TRIM71: variants seen among roughly 807,000 people sequenced by gnomAD.
TRIM71 encodes the protein E3 ubiquitin-protein ligase TRIM71.
TRIM71 carries 9 observed loss-of-function variants against 61.2 expected under a neutral mutation model. The ratio of observed to expected loss-of-function variants is 0.15; its 90% confidence interval spans 0.09 to 0.26. The LOEUF (loss-of-function observed/expected upper bound fraction) is 0.26. TRIM71 is among the 10% of genes least tolerant of loss of function. TRIM71 has a pLI of 1.00. For synonymous variants in TRIM71, 645 were observed against 553.2 expected (o/e 1.17, Z -2.33); for missense variants, 998 against 1,238.7 (o/e 0.81, Z 2.92).
At chr3:32,845,895 A>G (rs1475298938) in intron 1 of TRIM71, among the ~76,000 whole-genome samples, 2 of 147,498 alleles carry the variant, frequency 1.4e-5, no homozygotes, top group Non-Finnish European at 3.0e-5. Flanking sequence ...TAATTTTTGT[A>G]TTTTTAGTAG....
intron 1 of TRIM71, among the ~76,000 whole-genome samples, chr3:32,857,726 T>G (rs1049308998): frequency 6.6e-6 from 1 of 152,176 alleles, no homozygotes; most frequent in South Asian, 2.1e-4. Context: ...ATCCCAGCAC[T>G]TCAGGAGGCC....
At chr3:32,826,931 T>G (rs1696209888) in intron 1 of TRIM71, among the ~76,000 whole-genome samples, 1 of 151,480 alleles carries the variant, frequency 6.6e-6, no homozygotes, top group South Asian at 2.1e-4. Context: ...CCCGGCTAAT[T>G]GTTTTTGTAT....
At position 32,889,513 on chromosome 3, in the gene TRIM71, C is replaced by G. The variant is rs114861395; in HGVS notation, c.1156-847C>G. On this transcript the variant is annotated intron_variant, in intron 3 of 3. Coordinates refer to ENST00000383763, the MANE Select transcript of TRIM71 (RefSeq NM_001039111.3). ...CAGAAAAGTTGCAGTAATAGTAACT[C>G]CATATATTCCTTCTCCAGATTTACT... is the stretch of plus-strand genomic sequence containing the variant. Among the ~76,000 whole-genome samples the G allele has an allele frequency of 8.3e-3, 1,237 of 149,692 alleles. 4 individuals are homozygous for G. The highest frequency in any genetic ancestry group is 0.014 in the Non-Finnish European group (954 of 67,522).
At position 32,824,611 on chromosome 3, in the gene TRIM71, G is replaced by C. The variant is rs553726615; in HGVS notation, c.852+5679G>C. On this transcript the variant is annotated intron_variant, in intron 1 of 3. Coordinates refer to ENST00000383763, the MANE Select transcript of TRIM71 (RefSeq NM_001039111.3). ...AGATCCTCCTGCCTGTGTCTCTCAA[G>C]TAGCTGGGACTACAGGCTCTAGCCA... Among the ~76,000 whole-genome samples the C allele has an allele frequency of 5.3e-5, 8 of 152,284 alleles. No homozygotes were observed. The East Asian group carries it at 1.4e-3, about 26-fold the overall frequency.
Position 32,890,906 on chromosome 3 carries a change from A to G in TRIM71, c.1702A>G (p.Asn568Asp). ...GEHLVSVTLCNQHIENSPFKV... is the reference protein window; with the variant it reads ...GEHLVSVTLCDQHIENSPFKV... ...GCACCTGGTATCTGTGACACTGTGC[A>G]ACCAGCACATTGAGAACAGCCCTTT... The change falls in exon 4 of 4, where the codon AAC becomes GAC. Residue 568 changes from asparagine to aspartate, a missense_variant. Coordinates refer to ENST00000383763, the MANE Select transcript of TRIM71 (RefSeq NM_001039111.3). This position sits in a 1 kb window ranked among gnomAD's most constrained non-coding sequence, Gnocchi z 6.2. 1 of 1,614,224 alleles carries G rather than the reference A, an allele frequency of 6.2e-7. No individual in the cohort carries two copies. Among genetic ancestry groups the G allele is most frequent in the East Asian group, 2.2e-5 (1 of 44,880 alleles).
chr3:32,857,401 A>C (rs1696617254), intron 1 of TRIM71, among the ~76,000 whole-genome samples: 1 of 152,186 alleles, frequency 6.6e-6, no homozygotes, highest in South Asian at 2.1e-4. Context: ...CATTCTGTGC[A>C]AAATTTCTAG....
intron 1 of TRIM71, among the ~76,000 whole-genome samples, chr3:32,857,019 G>A (rs946713702): frequency 1.5e-4 from 23 of 152,210 alleles, no homozygotes; most frequent in South Asian, 4.2e-4. Context: ...ATTTGAACCC[G>A]GGTTTTCTGA....
Position 32,891,691 on chromosome 3 carries a change from C to T in TRIM71, c.2487C>T (p.Cys829=). 1 of 1,614,066 alleles carries T rather than the reference C, an allele frequency of 6.2e-7. No individual in the cohort carries two copies. The highest frequency in any genetic ancestry group is 1.1e-5 in the South Asian group (1 of 91,062). The part of the protein sequence containing the change: ...QMFESNGSFL[C]KFGAQGSGFG... ...TTGAATCCAACGGCAGCTTCCTGTG[C>T]AAGTTTGGTGCTCAAGGCAGCGGCT... The change falls in exon 4 of 4, where the codon TGC becomes TGT. Residue 829 remains cysteine (C), a synonymous_variant. Transcript: ENST00000383763. This position sits in a 1 kb window ranked among gnomAD's most constrained non-coding sequence, Gnocchi z 8.2.
chr3:32,843,049 T>C (rs1329387036), intron 1 of TRIM71, among the ~76,000 whole-genome samples: 1 of 152,060 alleles, frequency 6.6e-6, no homozygotes, highest in Non-Finnish European at 1.5e-5. Flanking sequence ...ATTATCGGGG[T>C]GTTGGCCACA....
At position 32,847,197 on chromosome 3, in the gene TRIM71, T is replaced by G. The variant is rs948960416; in HGVS notation, c.853-26621T>G. Among the ~76,000 whole-genome samples the G allele has an allele frequency of 6.7e-4, 101 of 149,734 alleles. 4 individuals carry two copies. The South Asian group carries it at 0.021, about 31-fold the overall frequency. ...TCGCCGCCAGGTCCAGCAATTTTTT[T>G]TTTTTTTTTTTTTTTTGAGACTGAG... On this transcript the variant is annotated intron_variant, in intron 1 of 3. Transcript: ENST00000383763.
At chr3:32,855,157 G>T (rs1696581603) in intron 1 of TRIM71, among the ~76,000 whole-genome samples, 1 of 152,146 alleles carries the variant, frequency 6.6e-6, no homozygotes, top group South Asian at 2.1e-4. Flanking sequence ...GTGCTTTCAG[G>T]CATCCACTGG....
chr3:32,877,828 C>G (rs1359310263), intron 2 of TRIM71, among the ~76,000 whole-genome samples: 1 of 152,118 alleles, frequency 6.6e-6, no homozygotes, highest in African/African-American at 2.4e-5. Context: ...AGAAGTTGAT[C>G]CCAACCCTAA....
At position 32,818,358 on chromosome 3, in the gene TRIM71, T is replaced by A; in HGVS notation, c.278T>A (p.Val93Glu). The change falls in exon 1 of 4, where the codon GTG becomes GAG. Residue 93 changes from valine to glutamate, a missense_variant. By Grantham distance (121) the Val-to-Glu change is moderately radical. Transcript: ENST00000383763. ...AGEPLKLRCP[V>E]CDQKVVLAEA... Reference sequence around the variant, plus strand: ...GAGCCGCTCAAGCTGCGCTGCCCCGTGTGCGACCAGAAAGTAGTGCTAGCC... The same window carrying A: ...GAGCCGCTCAAGCTGCGCTGCCCCGAGTGCGACCAGAAAGTAGTGCTAGCC... The A allele has an allele frequency of 1.4e-6, 2 of 1,476,542 alleles. No individual in the cohort carries two copies. The highest frequency in any genetic ancestry group is 1.8e-6 in the Non-Finnish European group (2 of 1,118,890). The allele number at this position is 1,476,542 out of a possible 1,614,324, so 91.5% of individuals were successfully genotyped here.
intron 1 of TRIM71, among the ~76,000 whole-genome samples, chr3:32,838,237 T>G (rs1338867863): frequency 1.3e-5 from 2 of 152,166 alleles, no homozygotes; most frequent in East Asian, 3.8e-4. Context: ...TATTATATTT[T>G]TTTGAGACGG....
In TRIM71 at chr3:32,818,577, C is replaced by A. The variant is rs1401116525; in HGVS notation, c.497C>A (p.Pro166Gln). The stretch of plus-strand genomic sequence containing the variant: ...CCGCGCGCGTCCGCCTCCGCGCCGC[C>A]ACTCCCGCAGGCGCCGCAGCCGCCC... ...AHPRASASAP[P>Q]LPQAPQPPAP... Residue 166 changes from proline to glutamine, a missense_variant, in exon 1 of 4, where the codon CCA (proline) becomes CAA (glutamine). Coordinates refer to ENST00000383763, the MANE Select transcript of TRIM71 (RefSeq NM_001039111.3). 7 of 1,279,912 alleles carry A rather than the reference C, an allele frequency of 5.5e-6. No homozygotes were observed. Among genetic ancestry groups the A allele is most frequent in the Non-Finnish European group, 6.8e-6 (7 of 1,022,046 alleles). 79.3% of individuals were successfully genotyped at this position (1,279,912 alleles called of 1,614,324 possible). A position where few individuals can be genotyped will look rare whatever the true frequency, so the allele number is the denominator to read the frequency against.
intron 1 of TRIM71, among the ~76,000 whole-genome samples, chr3:32,864,846 G>T (rs1433041925): frequency 6.3e-4 from 1 of 1,580 alleles, no homozygotes; most frequent in African/African-American, 4.5e-3. Context: ...AAATTAAGTG[G>T]TGTGTGTGTG....
At chr3:32,880,047 AT>A (rs1314603473) in intron 2 of TRIM71, among the ~76,000 whole-genome samples, 1 of 151,674 alleles carries the variant, frequency 6.6e-6, no homozygotes, top group Admixed American at 6.6e-5. Flanking sequence ...TTGTGATTAT[AT>A]TTTTTATTAT....
At chr3:32,855,475 C>G (rs929987751) in intron 1 of TRIM71, among the ~76,000 whole-genome samples, 41 of 152,128 alleles carry the variant, frequency 2.7e-4, no homozygotes, top group Non-Finnish European at 7.4e-5. Flanking sequence ...GGGGGAGCCT[C>G]TGGAGGGTTT....
intron 1 of TRIM71, among the ~76,000 whole-genome samples, chr3:32,855,287 A>AG (rs1477739074): frequency 2.0e-5 from 3 of 149,054 alleles, no homozygotes. Flanking sequence ...AAGTCGGGTA[A>AG]GGGGGTGGAA....
Sources: gnomAD v4.1 joint callset for allele counts (sites outside exome capture counted in the v4.1 genomes callset) on GRCh38, gnomAD v4.1.1 for gene constraint, Gnocchi (gnomAD v3.1) non-coding constraint, MANE v1.5 for transcripts, NCBI Gene and HGNC (gene_info 2026-07-23, HGNC 2026-07-21) for gene names.